Variants in HSPA12A observed in about 807,000 individuals in gnomAD.
HSPA12A encodes the protein heat shock protein family A (Hsp70) member 12A, also known as heat shock 70 kDa protein 12A.
A neutral mutation model predicts 69.2 loss-of-function variants in HSPA12A; 28 were observed. The observed-to-expected ratio is 0.40, with a 90% confidence interval of 0.30 to 0.55. HSPA12A has a LOEUF of 0.55. Ranked by LOEUF, HSPA12A falls within the 20% of genes least tolerant of loss-of-function variation. HSPA12A has a pLI of 0.38. For synonymous variants in HSPA12A, 345 were observed against 370.5 expected, an observed-to-expected ratio of 0.93 and a Z score of 0.79; for missense variants, 686 against 900.7, an observed-to-expected ratio of 0.76 and a Z score of 3.05.
At chr10:116,822,649 T>G (rs1010464588) in intron 2 of HSPA12A, among the ~76,000 whole-genome samples, 1 of 152,180 alleles carries the variant, frequency 6.6e-6, no homozygotes, top group Non-Finnish European at 1.5e-5. Context: ...AATTTAATGT[T>G]CTCAGAGAGA....
At chr10:116,714,884 G>A (rs1850560118) in intron 1 of HSPA12A, among the ~76,000 whole-genome samples, 1 of 152,170 alleles carries the variant, frequency 6.6e-6, no homozygotes, top group Admixed American at 6.5e-5. Context: ...TCTACAGCAG[G>A]CAAATTCTGC....
At chr10:116,725,687 A>C (rs1301531908) in intron 1 of HSPA12A, among the ~76,000 whole-genome samples, 1 of 152,050 alleles carries the variant, frequency 6.6e-6, no homozygotes, top group Non-Finnish European at 1.5e-5. Context: ...TGGGACACAA[A>C]ACCCAGAACT....
At chr10:116,827,987 T>G (rs1332871011) in intron 2 of HSPA12A, among the ~76,000 whole-genome samples, 2 of 152,192 alleles carry the variant, frequency 1.3e-5, no homozygotes, top group Admixed American at 6.5e-5. Context: ...AATTTTAAAT[T>G]CAGTAAGACC....
At chr10:116,778,786 T>C (rs1306317858) in intron 2 of HSPA12A, among the ~76,000 whole-genome samples, 1 of 151,890 alleles carries the variant, frequency 6.6e-6, no homozygotes, top group Non-Finnish European at 1.5e-5. Flanking sequence ...ATAAAATAAA[T>C]TAGCTGGGCA....
intron 2 of HSPA12A, among the ~76,000 whole-genome samples, chr10:116,760,851 T>G (rs1417446686): frequency 6.6e-6 from 1 of 152,152 alleles, no homozygotes; most frequent in Non-Finnish European, 1.5e-5. Context: ...TATTAAAGTA[T>G]AAGTGTAGGC....
intron 2 of HSPA12A, among the ~76,000 whole-genome samples, chr10:116,769,585 A>G (rs1844153439): frequency 6.6e-6 from 1 of 152,156 alleles, no homozygotes; most frequent in Admixed American, 6.5e-5. Context: ...CCTTTCCCTG[A>G]CATTGGCTCG....
intron 2 of HSPA12A, among the ~76,000 whole-genome samples, chr10:116,803,036 G>A (rs1017936672): frequency 2.2e-5 from 3 of 136,396 alleles, no homozygotes; most frequent in African/African-American, 7.8e-5. Context: ...AAGCATGTTT[G>A]GAGTAAGCCA....
chr10:116,732,392 C>T (rs1235235060), intron 1 of HSPA12A, among the ~76,000 whole-genome samples: 1 of 143,138 alleles, frequency 7.0e-6, no homozygotes, highest in Non-Finnish European at 1.6e-5. Context: ...CCAACACTTT[C>T]CCCTCCTAGA....
chr10:116,799,574 G>T (rs987950751), intron 2 of HSPA12A, among the ~76,000 whole-genome samples: 2 of 152,180 alleles, frequency 1.3e-5, no homozygotes, highest in African/African-American at 2.4e-5. Context: ...TGGTGCCATG[G>T]AAAGGGAACT....
At chr10:116,731,822 C>G (rs1851162899) in intron 1 of HSPA12A, among the ~76,000 whole-genome samples, 1 of 152,142 alleles carries the variant, frequency 6.6e-6, no homozygotes, top group South Asian at 2.1e-4. Flanking sequence ...GTTTCTGGGT[C>G]AAGTCCTGAT....
intron 2 of HSPA12A, chr10:116,750,311 C>A (rs1055256206): frequency 2.6e-6 from 2 of 771,798 alleles, no homozygotes; most frequent in Admixed American, 1.7e-5. Flanking sequence ...CACTTATGGT[C>A]AGCCTGGTGC....
intron 1 of HSPA12A, among the ~76,000 whole-genome samples, chr10:116,846,537 AC>A (rs2133228860): frequency 6.6e-6 from 1 of 152,034 alleles, no homozygotes; most frequent in South Asian, 2.1e-4. Context: ...TTTAGTAGAG[AC>A]AGGGTTTCAC....
At position 116,840,344 on chromosome 10, in the gene HSPA12A, A is replaced by G. The variant is rs17095320; in HGVS notation, c.4-5322T>C. 1.6e-3 allele frequency among the ~76,000 whole-genome samples: 242 copies of G among 152,352 alleles called. 6 individuals are homozygous for G. In the East Asian group the frequency reaches 0.042, roughly 26 times the overall value. On this transcript the variant is annotated intron_variant, in intron 1 of 12. Coordinates refer to the HSPA12A transcript ENST00000635765. The stretch of plus-strand genomic sequence containing the variant: ...AAGAAATGATGATACACAGGAAAAC[A>G]TTCATTCTAAAGCTTACACATTGAT...
chr10:116,816,384 A>G (rs933810303), intron 2 of HSPA12A, among the ~76,000 whole-genome samples: 2 of 152,248 alleles, frequency 1.3e-5, no homozygotes, highest in African/African-American at 4.8e-5. Flanking sequence ...GGGGCAGAGA[A>G]TGTTGGCCAT....
At chr10:116,705,015 C>G in intron 3 of HSPA12A, 136 bp downstream of exon 3, 1 of 998,480 alleles carries the variant, frequency 1.0e-6, no homozygotes, top group South Asian at 1.6e-5. Flanking sequence ...TCCCCAGTGG[C>G]ATGGTGAGCT....
chr10:116,697,843 C>T (rs559187685), intron 5 of HSPA12A, among the ~76,000 whole-genome samples: 2 of 138,298 alleles, frequency 1.4e-5, no homozygotes, highest in Non-Finnish European at 3.1e-5. Context: ...TTCCCACTCC[C>T]TGCAGCCCTG....
chr10:116,726,059 G>A (rs1554884998), intron 1 of HSPA12A, among the ~76,000 whole-genome samples: 1 of 81,658 alleles, frequency 1.2e-5, no homozygotes. Flanking sequence ...ACACACAACA[G>A]GCCAAGCAGG....
chr10:116,828,581 A>T (rs2133206506), intron 2 of HSPA12A, among the ~76,000 whole-genome samples: 1 of 152,334 alleles, frequency 6.6e-6, no homozygotes, highest in Non-Finnish European at 1.5e-5. Flanking sequence ...AGAACCCCAA[A>T]GGGAGGACCA....
At chr10:116,746,640 A>G (rs1209691475), upstream of HSPA12A, among the ~76,000 whole-genome samples, 1 of 152,186 alleles carries the variant, frequency 6.6e-6, no homozygotes, top group Non-Finnish European at 1.5e-5. Flanking sequence ...CATATATGTA[A>G]AACATTCCAT....
Sources: gnomAD v4.1 joint callset for allele counts (sites outside exome capture counted in the v4.1 genomes callset) on GRCh38, gnomAD v4.1.1 for gene constraint, MANE v1.5 for transcripts, NCBI Gene and HGNC (gene_info 2026-07-23, HGNC 2026-07-21) for gene names.